The following TF variants were observed in gnomAD, a reference collection of about 807,000 sequenced individuals.
TF encodes serotransferrin.
Under a neutral mutation model 82.4 loss-of-function variants are expected in TF, and 55 were observed. The ratio of observed to expected loss-of-function variants is 0.67; its 90% CI spans 0.54 to 0.84. The LOEUF is 0.84. TF is among the 40% of genes least tolerant of loss of function. The probability of loss-of-function intolerance (pLI) is 0.00; values close to 1 mark genes in which losing one functional copy is unlikely to be tolerated. For synonymous variants in TF, 332 were observed against 332.6 expected, an observed-to-expected ratio of 1.00 and a Z score of 0.02; for missense variants, 737 against 868.4, an observed-to-expected ratio of 0.85 and a Z score of 1.90.
At position 133,777,150 on chromosome 3, in the gene TF, C is replaced by T. The variant is rs765774415; in HGVS notation, c.1974C>T (p.Ala658=). ...LLFRDDTVCL[A]KLHDRNTYEK... is the part of the protein sequence containing the mutation. Reference sequence around the variant, plus strand: ...TCAGAGATGACACAGTATGTTTGGCCAAACTTCATGACAGAAACACATATG... The same window carrying T: ...TCAGAGATGACACAGTATGTTTGGCTAAACTTCATGACAGAAACACATATG... The change falls in exon 16 of 17, where the codon GCC becomes GCT. Residue 658 remains alanine (A), a synonymous_variant. Transcript: ENST00000402696. The T allele has an allele frequency of 1.9e-6, 3 of 1,614,104 alleles. No homozygotes were observed. In the Admixed American group the frequency reaches 5.0e-5, roughly 27 times the overall value.
chr3:133,732,400 A>G, the TF span, among the ~76,000 whole-genome samples: 4 of 152,204 alleles, frequency 2.6e-5, no homozygotes, highest in Admixed American at 6.5e-5. Flanking sequence ...AAACGGACCA[A>G]TCAGCACTCT....
chr3:133,682,363 G>A, the TF span, among the ~76,000 whole-genome samples: 5 of 152,216 alleles, frequency 3.3e-5, no homozygotes, highest in African/African-American at 1.2e-4. Context: ...TGACTTTGAC[G>A]AGTTGAGAGA....
Position 133,756,899 on chromosome 3 carries a change from G to A in TF, c.760G>A (p.Val254Ile), listed in dbSNP as rs1178783048. The A allele has an allele frequency of 1.9e-6, 3 of 1,614,100 alleles. No homozygotes were observed. The highest frequency in any genetic ancestry group is 2.5e-6 in the Non-Finnish European group (3 of 1,180,048). The part of the protein sequence containing the change: ...LLCLDNTRKP[V>I]DEYKDCHLAQ... ...TTGCCTGGACAACACCCGGAAGCCG[G>A]TAGATGAATACAAGGACTGCCACTT... Residue 254 changes from valine (V) to isoleucine (I), a missense_variant, in exon 7 of 17, where the codon GTA (valine) becomes ATA (isoleucine). Transcript: ENST00000402696.
chr3:133,758,046 C>G, intron 8 of TF, 100 bp downstream of exon 8: 3 of 1,132,956 alleles, frequency 2.6e-6, no homozygotes, highest in Non-Finnish European at 1.3e-6. Flanking sequence ...CACGCCTCTC[C>G]TGATGCTCCT....
chr3:133,728,086 C>T, the TF span, among the ~76,000 whole-genome samples: 4 of 152,234 alleles, frequency 2.6e-5, no homozygotes, highest in African/African-American at 9.6e-5. Context: ...CTATCCTTAA[C>T]ATTTTTCCTT....
At chr3:133,724,179 G>A in the TF span, among the ~76,000 whole-genome samples, 1 of 152,196 alleles carries the variant, frequency 6.6e-6, no homozygotes, top group African/African-American at 2.4e-5. Flanking sequence ...CCAGTAACAG[G>A]ATGGCTGGGT....
At chr3:133,720,860 C>T in the TF span, among the ~76,000 whole-genome samples, 1 of 151,980 alleles carries the variant, frequency 6.6e-6, no homozygotes, top group African/African-American at 2.4e-5. Flanking sequence ...CCTATTTCTT[C>T]TATGTTATCA....
the TF span, among the ~76,000 whole-genome samples, chr3:133,724,034 T>A: frequency 6.6e-6 from 1 of 152,222 alleles, no homozygotes; most frequent in African/African-American, 2.4e-5. Context: ...ATGTGCCACA[T>A]TTTCTTAATC....
At chr3:133,670,053 G>A in the TF span, among the ~76,000 whole-genome samples, 1 of 152,168 alleles carries the variant, frequency 6.6e-6, no homozygotes, top group African/African-American at 2.4e-5. Context: ...AGATGCCTTG[G>A]AAAGGGGAAA....
chr3:133,687,484 G>A, the TF span, among the ~76,000 whole-genome samples: 2 of 152,070 alleles, frequency 1.3e-5, no homozygotes, highest in African/African-American at 2.4e-5. Flanking sequence ...GGTATTTAGG[G>A]CATTGGAAAT....
the TF span, among the ~76,000 whole-genome samples, chr3:133,736,430 A>G: frequency 4.6e-5 from 7 of 152,294 alleles, no homozygotes; most frequent in South Asian, 1.2e-3. Flanking sequence ...CATCATAATG[A>G]CAGGATCAAA....
chr3:133,765,496 C>G (rs2107924995), intron 11 of TF, among the ~76,000 whole-genome samples: 1 of 152,324 alleles, frequency 6.6e-6, no homozygotes, highest in East Asian at 1.9e-4. Context: ...CCAAGGTGAG[C>G]ACTGGCCCCC....
At chr3:133,753,141 G>A (rs1409736489) in intron 2 of TF, among the ~76,000 whole-genome samples, 2 of 152,180 alleles carry the variant, frequency 1.3e-5, no homozygotes, top group Non-Finnish European at 2.9e-5. Flanking sequence ...AAGGTCATGG[G>A]CTAGGAATGA....
the TF span, among the ~76,000 whole-genome samples, chr3:133,679,670 A>G: frequency 2.9e-5 from 4 of 139,120 alleles, no homozygotes; most frequent in Non-Finnish European, 6.0e-5. Flanking sequence ...ATTGGGTAGT[A>G]CTCTATTGAA....
At chr3:133,745,459 T>A (rs966589929), upstream of TF, among the ~76,000 whole-genome samples, 1 of 152,244 alleles carries the variant, frequency 6.6e-6, no homozygotes, top group Non-Finnish European at 1.5e-5. Flanking sequence ...TTCTATTCCT[T>A]GTGCATGATT....
In TF at chr3:133,791,907, T is replaced by C. The variant is rs555933974; in HGVS notation, c.*13287T>C. ...ATAATAAGAGCTTAAATCAAATATTTTATCAGAAAAGTAAAAAATGTAATG... is the reference window on the plus strand; with the variant it reads ...ATAATAAGAGCTTAAATCAAATATTCTATCAGAAAAGTAAAAAATGTAATG... On this transcript the variant is annotated 3_prime_UTR_variant, in exon 17 of 17. Transcript: ENST00000402696. The C allele has an allele frequency of 6.6e-6, 1 of 152,352 alleles. No homozygotes were observed. Among genetic ancestry groups the C allele is most frequent in the East Asian group, 1.9e-4 (1 of 5,192 alleles). The allele number at this position is 152,352 out of a possible 1,614,324, so 9.4% of individuals were successfully genotyped here.
chr3:133,681,278 G>C, the TF span, among the ~76,000 whole-genome samples: 1 of 152,206 alleles, frequency 6.6e-6, no homozygotes, highest in Non-Finnish European at 1.5e-5. Context: ...CGTGAGCTAC[G>C]CAGAAGACAG....
At chr3:133,777,019 G>A in intron 15 of TF, 30 bp from the exon 16 acceptor site, 1 of 1,608,884 alleles carries the variant, frequency 6.2e-7, no homozygotes, top group East Asian at 2.2e-5. Context: ...AGACCACAAG[G>A]TCCTCACGGA....
At chr3:133,746,661 C>T (rs1037259784) in intron 1 of TF, among the ~76,000 whole-genome samples, 178 bp downstream of exon 1, 2 of 152,220 alleles carry the variant, frequency 1.3e-5, no homozygotes, top group African/African-American at 4.8e-5. Context: ...CTTCTAGACA[C>T]CTTTCACTGC....
Sources: gnomAD v4.1 joint callset for allele counts (sites outside exome capture counted in the v4.1 genomes callset) on GRCh38, gnomAD v4.1.1 for gene constraint, MANE v1.5 for transcripts, NCBI Gene and HGNC (gene_info 2026-07-23, HGNC 2026-07-21) for gene names.